Variants in MORC2 observed in about 807,000 individuals in gnomAD.
The protein encoded by MORC2 is MORC family CW-type zinc finger 2.
A neutral mutation model predicts 136.0 loss-of-function variants in MORC2; 30 were observed. That is an observed-to-expected ratio of 0.22 (90% confidence interval 0.17 to 0.30). The LOEUF (loss-of-function observed/expected upper bound fraction) is 0.30. MORC2 is among the 10% of genes least tolerant of loss of function. The pLI, the probability that MORC2 is intolerant of heterozygous loss-of-function variation, is 1.00. For synonymous variants in MORC2, 439 were observed against 487.0 expected (o/e 0.90, Z 1.30); for missense variants, 922 against 1,333.1 (o/e 0.69, Z 4.80).
chr22:30,965,147 C>G (rs1020099732), intron 1 of MORC2, among the ~76,000 whole-genome samples: 1 of 152,178 alleles, frequency 6.6e-6, no homozygotes, highest in East Asian at 1.9e-4. Flanking sequence ...CACTGATTTC[C>G]ACACTTCTCA....
chr22:30,952,801 C>T lies in MORC2; in HGVS notation c.158-2356G>A, dbSNP rs116892298. Among the ~76,000 whole-genome samples, 64 of 152,332 alleles carry T rather than the reference C, an allele frequency of 4.2e-4. 1 individual carries two copies. The East Asian group carries it at 8.5e-3, about 20-fold the overall frequency. ...ACAAGAGCAGTGAACAGTACATATG[C>T]GATCACTGTCTTCATGGAGCTTACA... On this transcript the variant is annotated intron_variant, in intron 3 of 25. Coordinates refer to ENST00000397641, the MANE Select transcript of MORC2 (RefSeq NM_001303256.3).
At chr22:30,965,480 A>G (rs1188658348) in intron 1 of MORC2, among the ~76,000 whole-genome samples, 1 of 152,244 alleles carries the variant, frequency 6.6e-6, no homozygotes, top group African/African-American at 2.4e-5. Flanking sequence ...AGAAATAAAA[A>G]ACTTATCTTG....
rs187677742 is a variant in MORC2, at chr22:30,959,345, T to G, written c.69-651A>C. Among the ~76,000 whole-genome samples, 23 of 152,324 alleles carry G rather than the reference T, an allele frequency of 1.5e-4. 3 individuals carry two copies. The highest frequency in any genetic ancestry group is 1.5e-3 in the Admixed American group (23 of 15,296). On this transcript the variant is annotated intron_variant, in intron 1 of 25. Coordinates refer to ENST00000397641, the MANE Select transcript of MORC2 (RefSeq NM_001303256.3). ...CTAGAAGGAATTGTTGGAAAAGGTC[T>G]TCGATTACTTTCTTTAATGGAGGGA... is the stretch of plus-strand genomic sequence containing the variant.
In MORC2 at chr22:30,936,506, C is replaced by T. The variant is rs1248580683; in HGVS notation, c.1737+5G>A. 4.3e-6 allele frequency: 7 copies of T among 1,613,838 alleles called. No homozygotes were observed. Among genetic ancestry groups the T allele is most frequent in the East Asian group, 2.2e-5 (1 of 44,898 alleles). On this transcript the variant is annotated splice_donor_5th_base_variant and intron_variant, in intron 17 of 25. Coordinates refer to ENST00000397641, the MANE Select transcript of MORC2 (RefSeq NM_001303256.3). ...GGCTTTGCCCACTGACCATGACCCACGTACCTGAAGGGCCTCCAGCTTCTC... is the reference window on the plus strand; with the variant it reads ...GGCTTTGCCCACTGACCATGACCCATGTACCTGAAGGGCCTCCAGCTTCTC...
chr22:30,932,517 G>A lies in MORC2; in HGVS notation c.2747+28C>T. The A allele has an allele frequency of 3.1e-6, 5 of 1,613,252 alleles. No homozygotes were observed. The highest frequency in any genetic ancestry group is 4.2e-6 in the Non-Finnish European group (5 of 1,179,244). On this transcript the variant is annotated intron_variant, in intron 23 of 25. Transcript: ENST00000397641. The surrounding 1 kb of genome is among the most constrained non-coding windows in gnomAD (Gnocchi z 4.4). ...CAGGCAGAGAGCTGCTGCTGGCCCT[G>A]GGGTGGGAAGACAAAAGACACATGT...
intron 3 of MORC2, among the ~76,000 whole-genome samples, 178 bp from the exon 4 acceptor site, chr22:30,950,623 G>C (rs2040873990): frequency 6.6e-6 from 1 of 152,172 alleles, no homozygotes; most frequent in Non-Finnish European, 1.5e-5. Context: ...TCCCATCCAA[G>C]GTTCTCCAAT....
intron 1 of MORC2, among the ~76,000 whole-genome samples, chr22:30,965,679 C>G (rs980902090): frequency 6.6e-6 from 1 of 152,200 alleles, no homozygotes; most frequent in African/African-American, 2.4e-5. Flanking sequence ...GAAAATTCCC[C>G]AACAAATGAC....
chr22:30,955,732 G>A (rs2040957216), intron 3 of MORC2, among the ~76,000 whole-genome samples: 2 of 152,232 alleles, frequency 1.3e-5, no homozygotes, highest in South Asian at 4.2e-4. Context: ...CTTCCGGCCA[G>A]GTGTGGTGGC....
chr22:30,968,044 A>G lies in MORC2; in HGVS notation c.-155T>C. On this transcript the variant is annotated 5_prime_UTR_variant, in exon 1 of 26. Coordinates refer to ENST00000397641, the MANE Select transcript of MORC2 (RefSeq NM_001303256.3). ...CCTAGTAGCTATCCAAAATATATGC[A>G]GAGATGTTTAAAACTACAATTTCTT... 1.7e-6 allele frequency: 1 copy of G among 594,140 alleles called. No homozygotes were observed. Among genetic ancestry groups the G allele is most frequent in the South Asian group, 2.3e-5 (1 of 44,356 alleles). The allele number at this position is 594,140 out of a possible 1,614,324, so 36.8% of individuals were successfully genotyped here. A position where few individuals can be genotyped will look rare whatever the true frequency, so the allele number is the denominator to read the frequency against.
rs2040586485 is a variant in MORC2, at chr22:30,932,261, C to A, written c.2841+98G>T. 15 of 1,067,156 alleles carry A rather than the reference C, an allele frequency of 1.4e-5. No homozygotes were observed. The highest frequency in any genetic ancestry group is 1.9e-5 in the Non-Finnish European group (14 of 720,324). The allele number at this position is 1,067,156 out of a possible 1,614,324, so 66.1% of individuals were successfully genotyped here. On this transcript the variant is annotated intron_variant, in intron 24 of 25. Transcript: ENST00000397641. The surrounding 1 kb of genome is among the most constrained non-coding windows in gnomAD (Gnocchi z 4.4). Reference sequence around the variant, plus strand: ...GCACACAGCTGAGAGCTAGCAACTGCAACAAGCGTAACAATCATAATCACA... The same window carrying A: ...GCACACAGCTGAGAGCTAGCAACTGAAACAAGCGTAACAATCATAATCACA...
At chr22:30,950,105 T>C (rs1195155507) in intron 4 of MORC2, among the ~76,000 whole-genome samples, 2 of 152,152 alleles carry the variant, frequency 1.3e-5, no homozygotes, top group Admixed American at 1.3e-4. Context: ...CTCGAGAATG[T>C]TGTGCAAGCT....
At chr22:30,930,463 G>GGCAGAGCAAGGCAGCATCGTGA (rs2040558091) in intron 24 of MORC2, among the ~76,000 whole-genome samples, 1 of 152,180 alleles carries the variant, frequency 6.6e-6, no homozygotes, top group Non-Finnish European at 1.5e-5. Context: ...ATATCTTGCT[G>GGCAGAGCAAGGCAGCATCGTGA]GCAGAGCAAG....
chr22:30,950,336 C>CGGGGGGGGGGG, intron 4 of MORC2, 41 bp downstream of exon 4: 1 of 764,004 alleles, frequency 1.3e-6, no homozygotes, highest in Non-Finnish European at 2.4e-6. Flanking sequence ...ATGGTTACAT[C>CGGGGGGGGGGG]GCACCCCCCC....
chr22:30,956,717 T>C (rs1471272361), intron 3 of MORC2, 46 bp downstream of exon 3: 1 of 1,402,466 alleles, frequency 7.1e-7, no homozygotes, highest in African/African-American at 1.4e-5. Context: ...CAGTAATAAA[T>C]GCATTAAGAT....
chr22:30,966,994 G>C, intron 1 of MORC2: 1 of 686,016 alleles, frequency 1.5e-6, no homozygotes, highest in East Asian at 1.3e-4. Context: ...TCTGAAGTGG[G>C]TTCTTCAGAG....
At chr22:30,964,628 C>T (rs2041097974) in intron 1 of MORC2, among the ~76,000 whole-genome samples, 3 of 152,106 alleles carry the variant, frequency 2.0e-5, no homozygotes, top group Admixed American at 6.5e-5. Flanking sequence ...ACTTAAAAAC[C>T]CTAACATTTA....
chr22:30,933,017 G>T lies in MORC2; in HGVS notation c.2394C>A (p.His798Gln). 2 of 1,613,988 alleles carry T rather than the reference G, an allele frequency of 1.2e-6. No individual in the cohort carries two copies. Among genetic ancestry groups the T allele is most frequent in the Non-Finnish European group, 8.5e-7 (1 of 1,180,016 alleles). ...ACTCCCTGTTCACACGCACCTCCAC[G>T]TGCAGCCCTTTATCTGACAATGTAG... The part of the protein sequence containing the change: ...LKRAQKDKGL[H>Q]VEVRVNREWY... The change falls in exon 22 of 26, where the codon CAC becomes CAA. Residue 798 changes from histidine to glutamine, a missense_variant. By Grantham distance (24) the His-to-Gln change is conservative. This residue lies in a region of MORC2 where 263 missense variants were observed against 388.3 expected (regional missense o/e 0.68). Coordinates refer to ENST00000397641, the MANE Select transcript of MORC2 (RefSeq NM_001303256.3).
chr22:30,939,526 A>G (rs1332517737), intron 12 of MORC2, 95 bp downstream of exon 12: 17 of 1,241,380 alleles, frequency 1.4e-5, no homozygotes, highest in Non-Finnish European at 7.9e-6. Context: ...TTGGCATTAA[A>G]ACAAAGCAGT....
chr22:30,956,906 G>T, intron 2 of MORC2, 109 bp from the exon 3 acceptor site: 1 of 856,906 alleles, frequency 1.2e-6, no homozygotes, highest in Non-Finnish European at 1.7e-6. Context: ...TTTTCAGGAA[G>T]CCATACAGAA....
Sources: allele counts gnomAD v4.1 joint callset (sites outside exome capture counted in the v4.1 genomes callset), GRCh38; gene constraint gnomAD v4.1.1; regional missense constraint gnomAD v4.1.1; non-coding constraint Gnocchi (gnomAD v3.1); transcripts MANE v1.5; gene names NCBI Gene and HGNC (gene_info 2026-07-23, HGNC 2026-07-21).